The following EVI5 variants were observed in gnomAD, a reference collection of about 807,000 sequenced individuals.
EVI5 encodes the protein ecotropic viral integration site 5.
In EVI5, 73 loss-of-function variants were observed where a neutral mutation model predicts 112.0. The observed-to-expected ratio is 0.65, with a 90% CI of 0.54 to 0.79. The LOEUF is 0.79. Among genes scored for constraint, EVI5 ranks in the 30% least tolerant of loss-of-function variants. The pLI, the probability that EVI5 is intolerant of heterozygous loss-of-function variation, is 0.00. For synonymous variants in EVI5, 305 were observed against 319.9 expected (o/e 0.95, Z 0.50); for missense variants, 900 against 968.8 (o/e 0.93, Z 0.94).
intron 1 of EVI5, among the ~76,000 whole-genome samples, chr1:92,757,825 C>T (rs1681176622): frequency 6.7e-6 from 1 of 148,696 alleles, no homozygotes; most frequent in South Asian, 2.1e-4. Flanking sequence ...TCACTTGAAC[C>T]CGGGAGGCAG....
At chr1:92,678,325 G>A (rs1173631814) in intron 9 of EVI5, among the ~76,000 whole-genome samples, 1 of 152,146 alleles carries the variant, frequency 6.6e-6, no homozygotes, top group Non-Finnish European at 1.5e-5. Context: ...GAGGCCAGGG[G>A]TTCAAGACCA....
intron 13 of EVI5, among the ~76,000 whole-genome samples, chr1:92,655,773 T>C (rs10747448): frequency 0.92 from 140,213 of 152,204 alleles, 64,667 homozygotes; most frequent in East Asian, 0.97. Context: ...AACGGGAAGA[T>C]GTAACAATCC....
rs573359643 is a variant in EVI5 at position 92,634,640 on chromosome 1, C to T, written c.1527+1562G>A. Among the ~76,000 whole-genome samples the T allele has an allele frequency of 5.3e-5, 8 of 152,240 alleles. No homozygotes were observed. The East Asian group carries it at 5.8e-4, about 11-fold the overall frequency. ...TGGGTTCGAACTTCCTCCTTTAGCTCGGAGTAGTTTGGTCGTCTGAAGCCT... is the reference window on the plus strand; with the variant it reads ...TGGGTTCGAACTTCCTCCTTTAGCTTGGAGTAGTTTGGTCGTCTGAAGCCT... On this transcript the variant is annotated intron_variant, in intron 14 of 19. Coordinates refer to ENST00000684568, the MANE Select transcript of EVI5 (RefSeq NM_001350197.2).
chr1:92,785,012 C>A lies in EVI5; in HGVS notation c.-258G>T, dbSNP rs1685438048. 1 of 985,402 alleles carries A rather than the reference C, an allele frequency of 1.0e-6. No individual in the cohort carries two copies. The highest frequency in any genetic ancestry group is 1.2e-6 in the Non-Finnish European group (1 of 830,070). The allele number at this position is 985,402 out of a possible 1,614,324, so 61.0% of individuals were successfully genotyped here. A position where few individuals can be genotyped will look rare whatever the true frequency, so the allele number is the denominator to read the frequency against. On this transcript the variant is annotated 5_prime_UTR_variant, in exon 1 of 20. Transcript: ENST00000684568. ...GGGCCGCCTCGCGACCCTCACCTACCCCTCCCGGCACCGCCGCTGTCGGAA... is the reference window on the plus strand; with the variant it reads ...GGGCCGCCTCGCGACCCTCACCTACACCTCCCGGCACCGCCGCTGTCGGAA...
At chr1:92,757,500 TA>T (rs976477978) in intron 1 of EVI5, among the ~76,000 whole-genome samples, 8 of 151,574 alleles carry the variant, frequency 5.3e-5, no homozygotes, top group Non-Finnish European at 7.4e-5. Flanking sequence ...ATCTGTACAA[TA>T]AAAAAAATTT....
chr1:92,526,724 G>T (rs1363877690), intron 19 of EVI5, among the ~76,000 whole-genome samples: 5 of 146,330 alleles, frequency 3.4e-5, no homozygotes, highest in Admixed American at 1.3e-4. Context: ...GTGGAACACA[G>T]GGGATTGTTA....
At chr1:92,696,512 C>T (rs988668688) in intron 6 of EVI5, among the ~76,000 whole-genome samples, 4 of 151,786 alleles carry the variant, frequency 2.6e-5, no homozygotes, top group Non-Finnish European at 5.9e-5. Context: ...TGGTATACAC[C>T]TGTAGTTTCA....
intron 2 of EVI5, among the ~76,000 whole-genome samples, chr1:92,724,887 TAAGTA>T (rs1675321704): frequency 6.6e-6 from 1 of 152,026 alleles, no homozygotes; most frequent in African/African-American, 2.4e-5. Context: ...ACTCGGGACA[TAAGTA>T]AAGTAAACTC....
intron 6 of EVI5, among the ~76,000 whole-genome samples, chr1:92,696,855 G>GGTGAAACCCCATC (rs1389746401): frequency 7.9e-5 from 12 of 151,950 alleles, no homozygotes; most frequent in Non-Finnish European, 1.3e-4. Context: ...TGGCTAACAT[G>GGTGAAACCCCATC]GTGAAACCCC....
intron 13 of EVI5, among the ~76,000 whole-genome samples, chr1:92,643,291 CTT>C (rs34807551): frequency 0.2 from 24,929 of 122,798 alleles, 2,701 homozygotes; most frequent in Non-Finnish European, 0.25. Flanking sequence ...TAACTCAAAT[CTT>C]TTTTTTTTTT....
chr1:92,523,520 A>G lies in EVI5; in HGVS notation c.2167-9550T>C, dbSNP rs1661317232. 2.6e-5 allele frequency among the ~76,000 whole-genome samples: 4 copies of G among 152,212 alleles called. No homozygotes were observed. The South Asian group carries it at 8.3e-4, about 32-fold the overall frequency. On this transcript the variant is annotated intron_variant, in intron 19 of 19. Transcript: ENST00000684568. ...TCAAATACGGGTATATAAAGTAAGT[A>G]AAAACAAGTTTATGTTACAATCTTT... is the stretch of plus-strand genomic sequence containing the variant.
At chr1:92,561,594 T>TCTAA (rs1668571430) in intron 19 of EVI5, among the ~76,000 whole-genome samples, 1 of 149,022 alleles carries the variant, frequency 6.7e-6, no homozygotes, top group Non-Finnish European at 1.5e-5. Context: ...TATCTATCTA[T>TCTAA]CTATCTAATC....
intron 2 of EVI5, among the ~76,000 whole-genome samples, chr1:92,718,896 C>T (rs113497145): frequency 2.6e-5 from 4 of 152,128 alleles, no homozygotes; most frequent in East Asian, 1.9e-4. Context: ...TACAAACTAC[C>T]GTCAGAGAAT....
Position 92,511,912 on chromosome 1 carries a change from T to A in EVI5, c.*1744A>T, listed in dbSNP as rs199842574. 13 of 149,176 alleles carry A rather than the reference T, an allele frequency of 8.7e-5. No individual in the cohort carries two copies. The highest frequency in any genetic ancestry group is 1.6e-4 in the Non-Finnish European group (11 of 66,898). 9.2% of individuals were successfully genotyped at this position (149,176 alleles called of 1,614,324 possible). A position where few individuals can be genotyped will look rare whatever the true frequency, so the allele number is the denominator to read the frequency against. ...TTATCTCTTCTACTCTATTTCATAT[T>A]TTTTTTTTTGCCGCATGCAACATAC... On this transcript the variant is annotated 3_prime_UTR_variant, in exon 20 of 20. Transcript: ENST00000684568.
intron 16 of EVI5, among the ~76,000 whole-genome samples, chr1:92,612,353 G>T (rs1652031227): frequency 6.6e-6 from 1 of 152,088 alleles, no homozygotes; most frequent in Non-Finnish European, 1.5e-5. Context: ...ATCATAATCA[G>T]GACTTTTGAT....
chr1:92,605,239 TACTGTTCAG>T, intron 18 of EVI5, 59 bp downstream of exon 18: 1 of 1,019,676 alleles, frequency 9.8e-7, no homozygotes, highest in South Asian at 1.4e-5. Context: ...AAGAGTAAGT[TACTGTTCAG>T]ACAAAGAGGA....
chr1:92,576,092 T>C (rs902628489), intron 18 of EVI5, among the ~76,000 whole-genome samples: 1 of 152,088 alleles, frequency 6.6e-6, no homozygotes, highest in African/African-American at 2.4e-5. Context: ...ATAGAAGACA[T>C]GGGCACTAAA....
In EVI5 at chr1:92,747,094, T is replaced by C. The variant is rs111543432; in HGVS notation, c.-81-10467A>G. Reference sequence around the variant, plus strand: ...ACATCCGCAGGTTCTGAACCAACCATGCATCACAAATATTCAAAATATAAT... The same window carrying C: ...ACATCCGCAGGTTCTGAACCAACCACGCATCACAAATATTCAAAATATAAT... On this transcript the variant is annotated intron_variant, in intron 1 of 19. Coordinates refer to ENST00000684568, the MANE Select transcript of EVI5 (RefSeq NM_001350197.2). Among the ~76,000 whole-genome samples the C allele has an allele frequency of 3.8e-4, 58 of 152,182 alleles. 1 individual carries two copies. The highest frequency in any genetic ancestry group is 1.4e-3 in the African/African-American group (57 of 41,510).
chr1:92,780,193 C>A (rs749192923), intron 1 of EVI5, among the ~76,000 whole-genome samples: 59 of 152,312 alleles, frequency 3.9e-4, no homozygotes, highest in Middle Eastern at 3.4e-3. Flanking sequence ...CTCTCCTGTT[C>A]CCCTGTGAAG....
Sources: allele counts gnomAD v4.1 joint callset (sites outside exome capture counted in the v4.1 genomes callset), GRCh38; gene constraint gnomAD v4.1.1; transcripts MANE v1.5; gene names NCBI Gene and HGNC (gene_info 2026-07-23, HGNC 2026-07-21).